The following TNNI3K variants were observed in gnomAD, a reference collection of about 807,000 sequenced individuals.
TNNI3K encodes the protein serine/threonine-protein kinase TNNI3K.
TNNI3K carries 140 observed loss-of-function variants against 114.5 expected under a neutral mutation model. The observed-to-expected ratio is 1.22, with a 90% CI of 1.07 to 1.41. TNNI3K has a LOEUF of 1.41. Ranked by LOEUF, TNNI3K falls within the 40% of genes most tolerant of loss-of-function variation. The pLI is 0.00. For missense variants in TNNI3K, 1,125 were observed against 1,007.6 expected (o/e 1.12, Z -1.58); for synonymous variants, 347 against 347.5 (o/e 1.00, Z 0.02).
chr1:74,479,595 T>G (rs1042894828), intron 21 of TNNI3K, among the ~76,000 whole-genome samples: 5 of 152,202 alleles, frequency 3.3e-5, no homozygotes, highest in Non-Finnish European at 7.3e-5. Flanking sequence ...AGAGCTCATT[T>G]ATTTAACTAC....
At chr1:74,471,308 G>A (rs1224271949) in intron 21 of TNNI3K, 1 of 400,540 alleles carries the variant, frequency 2.5e-6, no homozygotes, top group Non-Finnish European at 4.4e-6. Context: ...TCTGACTGTT[G>A]AAGAAAATCT....
At chr1:74,415,783 G>T (rs1301910040) in intron 17 of TNNI3K, among the ~76,000 whole-genome samples, 1 of 149,424 alleles carries the variant, frequency 6.7e-6, no homozygotes, top group African/African-American at 2.5e-5. Context: ...CCCGTTCTTG[G>T]TTTTAGATTA....
chr1:74,481,786 C>G (rs928145971), intron 21 of TNNI3K, among the ~76,000 whole-genome samples: 9 of 152,186 alleles, frequency 5.9e-5, no homozygotes, highest in African/African-American at 2.2e-4. Context: ...TGTAACACAT[C>G]TTTATCATGC....
At chr1:74,515,043 C>A (rs572918178) in intron 23 of TNNI3K, among the ~76,000 whole-genome samples, 1 of 152,168 alleles carries the variant, frequency 6.6e-6, no homozygotes, top group South Asian at 2.1e-4. Context: ...GGATCGTAGC[C>A]CTCACCAGAA....
intron 5 of TNNI3K, among the ~76,000 whole-genome samples, chr1:74,330,067 A>G (rs1660115087): frequency 6.6e-6 from 1 of 152,132 alleles, no homozygotes; most frequent in Non-Finnish European, 1.5e-5. Flanking sequence ...GAAGGAAATT[A>G]TTTCAATGTG....
intron 17 of TNNI3K, among the ~76,000 whole-genome samples, chr1:74,415,226 A>G (rs950844272): frequency 1.3e-5 from 2 of 152,060 alleles, no homozygotes; most frequent in African/African-American, 4.8e-5. Flanking sequence ...CTCAAATATT[A>G]TCCTATTAGT....
intron 11 of TNNI3K, among the ~76,000 whole-genome samples, chr1:74,360,151 T>A (rs1005340082): frequency 1.3e-5 from 2 of 151,888 alleles, no homozygotes; most frequent in African/African-American, 4.8e-5. Context: ...CTTCTTCTAA[T>A]CCATTTTAAT....
At chr1:74,491,828 A>C (rs1354218021) in intron 22 of TNNI3K, among the ~76,000 whole-genome samples, 1 of 152,156 alleles carries the variant, frequency 6.6e-6, no homozygotes, top group Non-Finnish European at 1.5e-5. Context: ...ATATTTTATG[A>C]ATCTGAGTTG....
chr1:74,288,064 G>A (rs1205465075), intron 5 of TNNI3K, among the ~76,000 whole-genome samples: 1 of 151,942 alleles, frequency 6.6e-6, no homozygotes, highest in East Asian at 1.9e-4. Context: ...TTATAAAATG[G>A]CTACTATCAA....
chr1:74,361,583 T>G (rs1661969455), intron 11 of TNNI3K, among the ~76,000 whole-genome samples: 2 of 152,162 alleles, frequency 1.3e-5, no homozygotes, highest in South Asian at 4.1e-4. Context: ...ACCTCCCTGA[T>G]CTTAGGGAGT....
intron 5 of TNNI3K, among the ~76,000 whole-genome samples, chr1:74,306,489 C>A (rs1284945592): frequency 6.6e-6 from 1 of 152,160 alleles, no homozygotes; most frequent in African/African-American, 2.4e-5. Flanking sequence ...ATTTACATTC[C>A]CACCAACAGT....
chr1:74,460,764 G>A (rs1373658638), intron 20 of TNNI3K, among the ~76,000 whole-genome samples: 4 of 152,236 alleles, frequency 2.6e-5, no homozygotes, highest in African/African-American at 9.6e-5. Context: ...AGGCACTAAT[G>A]AGTAGCATCA....
intron 23 of TNNI3K, among the ~76,000 whole-genome samples, chr1:74,526,870 G>C (rs1038434036): frequency 1.3e-5 from 2 of 152,120 alleles, no homozygotes; most frequent in Non-Finnish European, 2.9e-5. Context: ...CTGCCTGCTT[G>C]TTTCTGTAAA....
intron 2 of TNNI3K, among the ~76,000 whole-genome samples, chr1:74,246,399 G>T (rs1654555934): frequency 6.6e-6 from 1 of 152,194 alleles, no homozygotes; most frequent in South Asian, 2.1e-4. Context: ...TTCAAGCTAG[G>T]TAGATTGGAT....
intron 7 of TNNI3K, among the ~76,000 whole-genome samples, chr1:74,340,193 A>C (rs1264526287): frequency 6.6e-6 from 1 of 152,050 alleles, no homozygotes; most frequent in Non-Finnish European, 1.5e-5. Context: ...AAGAAACAGC[A>C]CCCATTCACC....
intron 17 of TNNI3K, among the ~76,000 whole-genome samples, chr1:74,379,403 G>C (rs1190950455): frequency 6.6e-6 from 1 of 151,818 alleles, no homozygotes; most frequent in Non-Finnish European, 1.5e-5. Flanking sequence ...TATGGCCACT[G>C]TATTTAGAGA....
At chr1:74,437,333 CAT>C (rs2100665004) in intron 19 of TNNI3K, among the ~76,000 whole-genome samples, 1 of 152,110 alleles carries the variant, frequency 6.6e-6, no homozygotes, top group Admixed American at 6.6e-5. Context: ...TTTTTTGCAT[CAT>C]CAACTAAGTT....
At chr1:74,271,129 C>T (rs1193839065) in intron 4 of TNNI3K, among the ~76,000 whole-genome samples, 2 of 151,752 alleles carry the variant, frequency 1.3e-5, no homozygotes, top group African/African-American at 2.4e-5. Flanking sequence ...AAACAGCCTA[C>T]TGGGCTGCAT....
chr1:74,467,507 C>T (rs909818748), intron 21 of TNNI3K, among the ~76,000 whole-genome samples: 2 of 151,296 alleles, frequency 1.3e-5, no homozygotes, highest in African/African-American at 2.4e-5. Flanking sequence ...TAGAAAAAAG[C>T]CTGATACTAG....
Sources: gnomAD v4.1 joint callset for allele counts (sites outside exome capture counted in the v4.1 genomes callset) on GRCh38, gnomAD v4.1.1 for gene constraint, MANE v1.5 for transcripts, NCBI Gene and HGNC (gene_info 2026-07-23, HGNC 2026-07-21) for gene names.